The following PSEN1 variants were observed in gnomAD, a reference collection of about 807,000 sequenced individuals.
The protein encoded by PSEN1 is presenilin 1, also known as presenilin-1.
Under a neutral mutation model 53.5 loss-of-function variants are expected in PSEN1, and 15 were observed. The ratio of observed to expected loss-of-function variants is 0.28; its 90% CI spans 0.19 to 0.43. The LOEUF (loss-of-function observed/expected upper bound fraction) is 0.43. PSEN1 is among the 20% of genes least tolerant of loss of function. PSEN1 has a pLI of 1.00. For synonymous variants in PSEN1, 208 were observed against 209.8 expected (o/e 0.99, Z 0.08); for missense variants, 387 against 571.2 (o/e 0.68, Z 3.29).
chr14:73,172,136 G>A (rs549137642), intron 4 of PSEN1, among the ~76,000 whole-genome samples: 10 of 152,256 alleles, frequency 6.6e-5, no homozygotes, highest in Non-Finnish European at 8.8e-5. Flanking sequence ...TAGACTCCTG[G>A]GGGGCTATCA....
intron 6 of PSEN1, chr14:73,189,648 C>A (rs1219220989): frequency 6.5e-6 from 1 of 154,046 alleles, no homozygotes; most frequent in African/African-American, 2.4e-5. Context: ...CAATAACCTT[C>A]ACATAAACAA....
Position 73,219,456 on chromosome 14 carries a change from T to C in PSEN1, c.*167T>C. 1 of 753,754 alleles carries C rather than the reference T, an allele frequency of 1.3e-6. No homozygotes were observed. Among genetic ancestry groups the C allele is most frequent in the Non-Finnish European group, 2.3e-6 (1 of 441,186 alleles). 46.7% of individuals were successfully genotyped at this position (753,754 alleles called of 1,614,324 possible). On this transcript the variant is annotated 3_prime_UTR_variant, in exon 12 of 12. Coordinates refer to ENST00000324501, the MANE Select transcript of PSEN1 (RefSeq NM_000021.4). ...CTGACCACCTTGCACTATTGGACTT[T>C]GGAAGGAGGTGCCTATAGAAAACGA...
At chr14:73,141,369 G>A (rs768538003) in intron 1 of PSEN1, among the ~76,000 whole-genome samples, 42 of 152,146 alleles carry the variant, frequency 2.8e-4, no homozygotes, top group East Asian at 1.7e-3. Context: ...TCTTTTTAGC[G>A]TCTGCTGCTT....
In PSEN1 at chr14:73,198,129, T is replaced by C; in HGVS notation, c.868T>C (p.Ser290Pro). The C allele has an allele frequency of 6.4e-7, 1 of 1,559,654 alleles. No homozygotes were observed. Among genetic ancestry groups the C allele is most frequent in the Non-Finnish European group, 8.8e-7 (1 of 1,131,394 alleles). Residue 290 changes from serine (S) to proline (P), a missense_variant and splice_region_variant, in exon 8 of 12, where the codon TCA becomes CCA. Ser to Pro is a moderately conservative substitution (Grantham distance 74). Around this residue, in one of 4 missense-constraint regions of PSEN1, gnomAD observed 169 missense variants for 299.7 expected, o/e 0.56. Coordinates refer to ENST00000324501, the MANE Select transcript of PSEN1 (RefSeq NM_000021.4). ...ETLFPALIYS[S>P]TMVWLVNMAE... ...GCTTTTTCCAGCTCTCATTTACTCC[T>C]GTAAGTATTTGAGAAGGATATTGAA...
At chr14:73,183,899 C>A (rs1376727359) in intron 5 of PSEN1, among the ~76,000 whole-genome samples, 1 of 149,406 alleles carries the variant, frequency 6.7e-6, no homozygotes, top group South Asian at 2.1e-4. Context: ...CCTCACCTCC[C>A]GGGCGGGGCG....
chr14:73,184,855 G>A (rs1373592534), intron 5 of PSEN1, among the ~76,000 whole-genome samples: 2 of 150,954 alleles, frequency 1.3e-5, no homozygotes, highest in African/African-American at 2.4e-5. Context: ...CAGACGGGGC[G>A]GCTGCCGGGC....
At chr14:73,138,312 G>A (rs1038543263) in intron 1 of PSEN1, among the ~76,000 whole-genome samples, 28 of 151,500 alleles carry the variant, frequency 1.8e-4, no homozygotes, top group African/African-American at 5.1e-4. Flanking sequence ...TCCGCCTCCC[G>A]GGTTCACGCC....
intron 1 of PSEN1, among the ~76,000 whole-genome samples, chr14:73,140,930 G>A (rs1386953444): frequency 1.3e-5 from 2 of 150,272 alleles, no homozygotes; most frequent in African/African-American, 2.4e-5. Context: ...TGTGTGGATC[G>A]GTGAGGGCAG....
At chr14:73,206,090 A>G (rs900489456) in intron 8 of PSEN1, 10 of 380,310 alleles carry the variant, frequency 2.6e-5, no homozygotes, top group African/African-American at 1.8e-4. Flanking sequence ...TTTCAGTGGA[A>G]TCTTGCTGGC....
rs755937539 is a variant in PSEN1, at chr14:73,211,792, A to C, written c.979A>C (p.Thr327Pro). 4 of 1,614,146 alleles carry C rather than the reference A, an allele frequency of 2.5e-6. No individual in the cohort carries two copies. The highest frequency in any genetic ancestry group is 3.4e-6 in the Non-Finnish European group (4 of 1,180,004). ...AESTERESQD[T>P]VAENDDGGFS... ...AGGCACAGAAAGGGAGTCACAAGAC[A>C]CTGTTGCAGAGAATGATGATGGCGG... Residue 327 changes from threonine to proline, a missense_variant, in exon 10 of 12, where the codon ACT (threonine) becomes CCT (proline). Thr to Pro is a conservative substitution (Grantham distance 38). Around this residue, in one of 4 missense-constraint regions of PSEN1, gnomAD observed 75 missense variants for 63.7 expected, o/e 1.18. Transcript: ENST00000324501.
At chr14:73,214,328 C>T (rs759482396) in intron 10 of PSEN1, among the ~76,000 whole-genome samples, 25 of 152,034 alleles carry the variant, frequency 1.6e-4, no homozygotes, top group Non-Finnish European at 3.5e-4. Flanking sequence ...ATCAGGAGTT[C>T]GAGACCAGCC....
In PSEN1 at chr14:73,220,251, C is replaced by T. The variant is rs1449092719; in HGVS notation, c.*962C>T. ...CAGCTCTGTCGTGGTAGCAGATGGT[C>T]CCATTATTCTAGGGTCTTACTCTTT... On this transcript the variant is annotated 3_prime_UTR_variant, in exon 12 of 12. Coordinates refer to ENST00000324501, the MANE Select transcript of PSEN1 (RefSeq NM_000021.4). 6.6e-6 allele frequency: 1 copy of T among 152,434 alleles called. No homozygotes were observed. The highest frequency in any genetic ancestry group is 2.4e-5 in the African/African-American group (1 of 41,412). 9.4% of individuals were successfully genotyped at this position (152,434 alleles called of 1,614,324 possible). A position where few individuals can be genotyped will look rare whatever the true frequency, so the allele number is the denominator to read the frequency against.
At chr14:73,141,384 A>T (rs1421994522) in intron 1 of PSEN1, among the ~76,000 whole-genome samples, 1 of 152,182 alleles carries the variant, frequency 6.6e-6, no homozygotes, top group Non-Finnish European at 1.5e-5. Context: ...CTGCTTTCAC[A>T]AAGCCTTTTA....
chr14:73,219,398 G>A lies in PSEN1; in HGVS notation c.*109G>A, dbSNP rs201260629. On this transcript the variant is annotated 3_prime_UTR_variant, in exon 12 of 12. Transcript: ENST00000324501. ...CACATCTAACAAAGTCAAGATTCCC[G>A]GCTGGACTTTTGCAGCTTCCTTCCA... is the stretch of plus-strand genomic sequence containing the variant. 7.1e-6 allele frequency: 9 copies of A among 1,264,336 alleles called. No homozygotes were observed. Among genetic ancestry groups the A allele is most frequent in the Admixed American group, 5.1e-5 (3 of 58,998 alleles). The allele number at this position is 1,264,336 out of a possible 1,614,324, so 78.3% of individuals were successfully genotyped here.
chr14:73,148,865 G>A (rs933485912), intron 3 of PSEN1, among the ~76,000 whole-genome samples: 2 of 152,058 alleles, frequency 1.3e-5, no homozygotes, highest in African/African-American at 4.8e-5. Context: ...CCCAGGAGGT[G>A]GAGGTTACAG....
At chr14:73,193,173 G>A in intron 7 of PSEN1, among the ~76,000 whole-genome samples, 1 of 151,980 alleles carries the variant, frequency 6.6e-6, no homozygotes, top group East Asian at 1.9e-4. Context: ...AGCCGGGCAT[G>A]GTGGTGCACA....
chr14:73,179,141 G>A (rs1262285729), intron 5 of PSEN1, among the ~76,000 whole-genome samples: 1 of 152,134 alleles, frequency 6.6e-6, no homozygotes, highest in East Asian at 1.9e-4. Flanking sequence ...TCTTCCTAAA[G>A]TCAGGGCCAA....
intron 8 of PSEN1, among the ~76,000 whole-genome samples, chr14:73,204,488 G>C (rs1429280777): frequency 6.7e-6 from 1 of 148,754 alleles, no homozygotes; most frequent in Non-Finnish European, 1.5e-5. Context: ...CCCATGGCTT[G>C]TTTTTGTACA....
At chr14:73,144,846 A>G (rs775084558) in intron 1 of PSEN1, among the ~76,000 whole-genome samples, 2 of 152,164 alleles carry the variant, frequency 1.3e-5, no homozygotes, top group African/African-American at 2.4e-5. Flanking sequence ...ACTTCTGCTC[A>G]TATTTAACCT....
Sources: gnomAD v4.1 joint callset for allele counts (sites outside exome capture counted in the v4.1 genomes callset) on GRCh38, gnomAD v4.1.1 for gene constraint, gnomAD v4.1.1 regional missense constraint, MANE v1.5 for transcripts, NCBI Gene and HGNC (gene_info 2026-07-23, HGNC 2026-07-21) for gene names.